CTNNA2: variants seen among roughly 807,000 people sequenced by gnomAD.
The protein encoded by CTNNA2 is catenin alpha-2.
Under a neutral mutation model 101.0 loss-of-function variants are expected in CTNNA2, and 42 were observed. That is an observed-to-expected ratio of 0.42 (90% CI 0.32 to 0.54). The LOEUF (loss-of-function observed/expected upper bound fraction) is 0.54. CTNNA2 is among the 20% of genes least tolerant of loss of function. CTNNA2 has a pLI of 0.14. For missense variants in CTNNA2, 871 were observed against 1,223.1 expected (o/e 0.71, Z 4.29); for synonymous variants, 450 against 456.4 (o/e 0.99, Z 0.18).
chr2:79,461,979 GA>G (rs1487609447), intron 4 of CTNNA2, among the ~76,000 whole-genome samples: 1 of 151,888 alleles, frequency 6.6e-6, no homozygotes, highest in Non-Finnish European at 1.5e-5. Context: ...GAGGTGATGA[GA>G]ATGAGATTCA....
chr2:79,340,821 G>T (rs866353479), intron 3 of CTNNA2, among the ~76,000 whole-genome samples: 20 of 104,768 alleles, frequency 1.9e-4, no homozygotes, highest in Non-Finnish European at 3.3e-4. Context: ...GCTACAGAGC[G>T]AGACTCAGTC....
Position 79,513,866 on chromosome 2 carries a change from C to G in CTNNA2, c.-6+659C>G, listed in dbSNP as rs529767145. ...TCTCACCAATTTAAAATCCAGCCTT[C>G]CCTGCTTTGATTGTCTCCGTGAGAA... On this transcript the variant is annotated intron_variant, in intron 1 of 18. Transcript: ENST00000402739. 1.8e-4 allele frequency among the ~76,000 whole-genome samples: 28 copies of G among 152,182 alleles called. 1 individual carries two copies. The South Asian group carries it at 5.8e-3, about 32-fold the overall frequency.
intron 7 of CTNNA2, among the ~76,000 whole-genome samples, chr2:79,961,746 C>T (rs1313465307): frequency 1.0e-4 from 15 of 145,152 alleles, no homozygotes; most frequent in Non-Finnish European, 7.5e-5. Flanking sequence ...GGCGTGAACC[C>T]GGGGGGCAGA....
intron 9 of CTNNA2, among the ~76,000 whole-genome samples, chr2:80,468,558 C>T (rs986530475): frequency 1.3e-5 from 2 of 152,106 alleles, no homozygotes; most frequent in East Asian, 3.9e-4. Flanking sequence ...GCTGGGACTA[C>T]AGGCGCCTGC....
intron 2 of CTNNA2, among the ~76,000 whole-genome samples, chr2:79,689,698 A>T (rs1394236600): frequency 6.6e-6 from 1 of 152,008 alleles, no homozygotes; most frequent in East Asian, 1.9e-4. Flanking sequence ...AATATAATAG[A>T]TCGATGTAAT....
At chr2:79,247,006 T>C (rs1558585845) in intron 2 of CTNNA2, among the ~76,000 whole-genome samples, 1 of 152,198 alleles carries the variant, frequency 6.6e-6, no homozygotes, top group African/African-American at 2.4e-5. Context: ...ACTCACAGGA[T>C]AGAGTATTCA....
chr2:80,443,006 T>C (rs575565490), intron 9 of CTNNA2, among the ~76,000 whole-genome samples: 77 of 152,322 alleles, frequency 5.1e-4, no homozygotes, highest in African/African-American at 1.8e-3. Context: ...AAGCTCATGC[T>C]TTTTCCTTCA....
At chr2:79,646,524 CTTTTTTTTTTTT>C (rs67454188) in intron 1 of CTNNA2, among the ~76,000 whole-genome samples, 7 of 106,140 alleles carry the variant, frequency 6.6e-5, no homozygotes, top group Admixed American at 2.2e-4. Context: ...TTCTTTCTGT[CTTTTTTTTTTTT>C]TTTTTTTTTT....
intron 7 of CTNNA2, among the ~76,000 whole-genome samples, chr2:80,050,458 C>T (rs72924620): frequency 0.034 from 5,117 of 152,214 alleles, 284 homozygotes; most frequent in African/African-American, 0.12. Context: ...ACAAAGTCAG[C>T]GTGCCACATG....
At position 80,004,070 on chromosome 2, in the gene CTNNA2, A is replaced by T. The variant is rs146361913; in HGVS notation, c.1056+94273A>T. On this transcript the variant is annotated intron_variant, in intron 7 of 18. Coordinates refer to ENST00000402739, the MANE Select transcript of CTNNA2 (RefSeq NM_001282597.3). ...CATAAGTAAGCCAGGCTTCTTTACT[A>T]AAACTGGTGAGAAAATAGAGGCTAA... is the stretch of plus-strand genomic sequence containing the variant. Among the ~76,000 whole-genome samples, 174 of 152,290 alleles carry T rather than the reference A, an allele frequency of 1.1e-3. 1 individual carries two copies. The highest frequency in any genetic ancestry group is 4.1e-3 in the African/African-American group (170 of 41,554).
intron 2 of CTNNA2, among the ~76,000 whole-genome samples, chr2:79,741,073 C>T (rs562600613): frequency 5.0e-5 from 6 of 120,714 alleles, no homozygotes; most frequent in South Asian, 5.0e-4. Flanking sequence ...AGAACGGGCA[C>T]GGCAACTCAG....
At chr2:80,388,246 C>T (rs1677196962) in intron 7 of CTNNA2, among the ~76,000 whole-genome samples, 1 of 152,142 alleles carries the variant, frequency 6.6e-6, no homozygotes, top group Non-Finnish European at 1.5e-5. Flanking sequence ...CATAATCAGT[C>T]ACTTCATCTC....
At chr2:79,378,180 T>C (rs917675704) in intron 4 of CTNNA2, among the ~76,000 whole-genome samples, 3 of 152,110 alleles carry the variant, frequency 2.0e-5, no homozygotes, top group Non-Finnish European at 2.9e-5. Context: ...TTTACCAAAA[T>C]AGACATAAAA....
chr2:79,514,570 G>A (rs1291268772), intron 1 of CTNNA2: 2 of 152,160 alleles, frequency 1.3e-5, no homozygotes, highest in Admixed American at 6.5e-5. Context: ...CATTATACAT[G>A]TTATTGGCAA....
intron 7 of CTNNA2, among the ~76,000 whole-genome samples, chr2:80,202,194 C>T (rs1707252368): frequency 6.6e-6 from 1 of 152,170 alleles, no homozygotes; most frequent in East Asian, 1.9e-4. Context: ...TTTCCTATTA[C>T]TAAACCTGTA....
At chr2:80,094,416 G>A (rs1700007145) in intron 7 of CTNNA2, among the ~76,000 whole-genome samples, 1 of 152,170 alleles carries the variant, frequency 6.6e-6, no homozygotes. Flanking sequence ...TGGCCTTATA[G>A]TATAGTTTAA....
At chr2:80,196,526 T>C (rs1431504675) in intron 7 of CTNNA2, among the ~76,000 whole-genome samples, 4 of 152,212 alleles carry the variant, frequency 2.6e-5, no homozygotes, top group Non-Finnish European at 5.9e-5. Context: ...CTATTTTGCT[T>C]TACCCATACC....
At chr2:79,912,274 T>G (rs1558635126) in intron 7 of CTNNA2, among the ~76,000 whole-genome samples, 1 of 152,250 alleles carries the variant, frequency 6.6e-6, no homozygotes, top group Non-Finnish European at 1.5e-5. Context: ...TAAAATTGTA[T>G]ACATGCCAAA....
chr2:80,166,597 T>G, intron 7 of CTNNA2, among the ~76,000 whole-genome samples: 1 of 152,192 alleles, frequency 6.6e-6, no homozygotes, highest in East Asian at 1.9e-4. Context: ...AATGTTTTTC[T>G]GCATTCCGTG....
Sources: allele counts gnomAD v4.1 joint callset (sites outside exome capture counted in the v4.1 genomes callset), GRCh38; gene constraint gnomAD v4.1.1; transcripts MANE v1.5; gene names NCBI Gene and HGNC (gene_info 2026-07-23, HGNC 2026-07-21).